The following DCC variants were observed in gnomAD, a reference collection of about 807,000 sequenced individuals.
DCC encodes DCC netrin 1 receptor.
DCC carries 58 observed loss-of-function variants against 172.5 expected under a neutral mutation model. The observed-to-expected ratio is 0.34, with a 90% CI of 0.27 to 0.42. The LOEUF is 0.42. Among genes scored for constraint, DCC ranks in the 10% least tolerant of loss-of-function variants. The pLI is 1.00. For synonymous variants in DCC, 709 were observed against 644.5 expected (o/e 1.10, Z -1.52); for missense variants, 1,740 against 1,791.0 (o/e 0.97, Z 0.51).
At chr18:52,856,410 G>A (rs1251637027) in intron 2 of DCC, among the ~76,000 whole-genome samples, 1 of 151,636 alleles carries the variant, frequency 6.6e-6, no homozygotes, top group African/African-American at 2.4e-5. Context: ...CGTTTCACGA[G>A]GTCAGGAGAT....
intron 1 of DCC, among the ~76,000 whole-genome samples, chr18:52,718,223 G>T (rs111266374): frequency 0.033 from 776 of 23,768 alleles, 6 homozygotes; most frequent in Admixed American, 0.095. Flanking sequence ...AAGTAAGAAG[G>T]TGCTAAAAAA....
intron 12 of DCC, among the ~76,000 whole-genome samples, chr18:53,216,413 TAGAAA>T (rs1158950417): frequency 6.6e-6 from 1 of 152,190 alleles, no homozygotes; most frequent in Non-Finnish European, 1.5e-5. Flanking sequence ...ATACAGGTCT[TAGAAA>T]AAGTCATACT....
At chr18:52,719,518 G>A (rs892744630) in intron 1 of DCC, among the ~76,000 whole-genome samples, 2 of 151,970 alleles carry the variant, frequency 1.3e-5, no homozygotes, top group Admixed American at 1.3e-4. Context: ...CACTCTGTTA[G>A]GTACTGAGTG....
intron 12 of DCC, among the ~76,000 whole-genome samples, chr18:53,218,751 G>A (rs527410182): frequency 7.2e-5 from 11 of 152,056 alleles, no homozygotes; most frequent in South Asian, 4.2e-4. Flanking sequence ...AAAATGTTAC[G>A]TTTTATTAGG....
intron 15 of DCC, among the ~76,000 whole-genome samples, chr18:53,350,183 T>A (rs2057773582): frequency 6.6e-6 from 1 of 152,154 alleles, no homozygotes; most frequent in Admixed American, 6.6e-5. Context: ...CTTCCAATTC[T>A]AATTAGTCCA....
At chr18:53,301,656 A>C (rs981799335) in intron 12 of DCC, among the ~76,000 whole-genome samples, 1 of 151,462 alleles carries the variant, frequency 6.6e-6, no homozygotes, top group Non-Finnish European at 1.5e-5. Context: ...TCAGTAATCT[A>C]CTTATTTAGA....
intron 2 of DCC, among the ~76,000 whole-genome samples, chr18:52,764,397 T>C (rs913452182): frequency 3.9e-5 from 6 of 152,222 alleles, no homozygotes; most frequent in Non-Finnish European, 8.8e-5. Context: ...AAACCTCGTG[T>C]TGAAATTTGA....
chr18:53,261,388 G>A (rs1196003929), intron 12 of DCC, among the ~76,000 whole-genome samples: 2 of 152,168 alleles, frequency 1.3e-5, no homozygotes, highest in South Asian at 2.1e-4. Context: ...TCCTGCACTA[G>A]CATCAGGGGA....
chr18:53,307,273 G>T (rs958482451), intron 13 of DCC, among the ~76,000 whole-genome samples: 3 of 152,130 alleles, frequency 2.0e-5, no homozygotes, highest in African/African-American at 7.2e-5. Flanking sequence ...CATTTTAAAA[G>T]ATTTTGAAAA....
chr18:52,844,021 A>C (rs2038846957), intron 2 of DCC, among the ~76,000 whole-genome samples: 1 of 152,148 alleles, frequency 6.6e-6, no homozygotes. Flanking sequence ...ACTTAGGTCT[A>C]CTATCTACCA....
At chr18:52,421,283 G>T (rs186563049) in intron 1 of DCC, among the ~76,000 whole-genome samples, 4 of 152,122 alleles carry the variant, frequency 2.6e-5, no homozygotes, top group Non-Finnish European at 4.4e-5. Context: ...TGTCTGATGC[G>T]CAATCAAGAT....
At chr18:53,046,711 A>T (rs2042243851) in intron 5 of DCC, among the ~76,000 whole-genome samples, 2 of 151,998 alleles carry the variant, frequency 1.3e-5, no homozygotes, top group Admixed American at 6.6e-5. Flanking sequence ...TTCTCAATTT[A>T]CAAAGTAAGA....
intron 7 of DCC, among the ~76,000 whole-genome samples, chr18:53,094,152 G>C (rs2043051476): frequency 6.6e-6 from 1 of 152,128 alleles, no homozygotes; most frequent in South Asian, 2.1e-4. Flanking sequence ...GGTATTTTAG[G>C]CCGGGACCAG....
At chr18:52,355,627 A>G (rs1984328644) in intron 1 of DCC, among the ~76,000 whole-genome samples, 1 of 152,154 alleles carries the variant, frequency 6.6e-6, no homozygotes, top group African/African-American at 2.4e-5. Context: ...CATGTATCAT[A>G]TTTGTTAGCG....
intron 2 of DCC, among the ~76,000 whole-genome samples, chr18:52,792,759 T>TTCCATTCCATTCC (rs1568106976): frequency 3.6e-5 from 1 of 27,898 alleles, no homozygotes; most frequent in African/African-American, 4.4e-5. Context: ...CAGTTGATTC[T>TTCCATTCCATTCC]ATTCCATTCT....
At chr18:52,402,153 G>A (rs1402065048) in intron 1 of DCC, among the ~76,000 whole-genome samples, 1 of 151,770 alleles carries the variant, frequency 6.6e-6, no homozygotes, top group Non-Finnish European at 1.5e-5. Flanking sequence ...TTGAAGTTTT[G>A]TTCTTTCATA....
chr18:52,775,762 T>C (rs1041312689), intron 2 of DCC, among the ~76,000 whole-genome samples: 19 of 152,364 alleles, frequency 1.2e-4, no homozygotes, highest in African/African-American at 4.3e-4. Context: ...CGCCTGTGTG[T>C]CTGCCCACTA....
At chr18:53,097,822 G>T (rs1393488582) in intron 7 of DCC, among the ~76,000 whole-genome samples, 1 of 152,148 alleles carries the variant, frequency 6.6e-6, no homozygotes, top group Non-Finnish European at 1.5e-5. Context: ...GAAACAGAGA[G>T]AGAGAGATTT....
At chr18:53,232,890 T>A (rs569857629) in intron 12 of DCC, among the ~76,000 whole-genome samples, 5 of 152,260 alleles carry the variant, frequency 3.3e-5, no homozygotes, top group African/African-American at 9.6e-5. Flanking sequence ...CTCAATAAAC[T>A]GATTAGCTGA....
Sources: gnomAD v4.1 joint callset for allele counts (sites outside exome capture counted in the v4.1 genomes callset) on GRCh38, gnomAD v4.1.1 for gene constraint, MANE v1.5 for transcripts, NCBI Gene and HGNC (gene_info 2026-07-23, HGNC 2026-07-21) for gene names.